The following FAM81A variants were observed in gnomAD, a reference collection of about 807,000 sequenced individuals.
FAM81A encodes protein FAM81A.
Under a neutral mutation model 46.7 loss-of-function variants are expected in FAM81A, and 19 were observed. The ratio of observed to expected loss-of-function variants is 0.41; its 90% CI spans 0.28 to 0.60. FAM81A has a LOEUF of 0.60. FAM81A is among the 20% of genes least tolerant of loss of function. The pLI is 0.34. For missense variants in FAM81A, 377 were observed against 453.5 expected (o/e 0.83, Z 1.53); for synonymous variants, 183 against 152.9 (o/e 1.20, Z -1.45).
At chr15:59,457,937 A>G (rs2081504363) in intron 1 of FAM81A, among the ~76,000 whole-genome samples, 1 of 152,216 alleles carries the variant, frequency 6.6e-6, no homozygotes, top group South Asian at 2.1e-4. Flanking sequence ...GTGGGGACCA[A>G]ATGTTCCTTA....
intron 2 of FAM81A, among the ~76,000 whole-genome samples, chr15:59,430,788 A>C (rs1259244615): frequency 6.6e-6 from 1 of 152,194 alleles, no homozygotes; most frequent in African/African-American, 2.4e-5. Context: ...AGGAAAAGAG[A>C]TGGTTTGAGT....
At chr15:59,487,094 C>T (rs568750542) in intron 3 of FAM81A, among the ~76,000 whole-genome samples, 1 of 150,022 alleles carries the variant, frequency 6.7e-6, no homozygotes, top group South Asian at 2.1e-4. Flanking sequence ...ATAGACAGTA[C>T]AATAAGATAT....
Position 59,401,372 on chromosome 15 carries a change from G to C in FAM81A, c.-160-904G>C, listed in dbSNP as rs967664048. On this transcript the variant is annotated intron_variant, in intron 1 of 4. Coordinates refer to the FAM81A transcript ENST00000558348. ...AGTACCTTTGGTAATAACACCCAAA[G>C]TTGTATACAGTGGGGACGACGGGTT... The C allele has an allele frequency of 2.4e-5, 19 of 788,050 alleles. No individual in the cohort carries two copies. In the African/African-American group the frequency reaches 3.0e-4, roughly 13 times the overall value. The allele number at this position is 788,050 out of a possible 1,614,324, so 48.8% of individuals were successfully genotyped here.
At chr15:59,399,541 G>A (rs571821475) in intron 1 of FAM81A, among the ~76,000 whole-genome samples, 1 of 152,254 alleles carries the variant, frequency 6.6e-6, no homozygotes, top group Admixed American at 6.5e-5. Flanking sequence ...AATAAAATAC[G>A]CTGAAGAACC....
At chr15:59,517,262 G>T (rs1049430460) in intron 8 of FAM81A, among the ~76,000 whole-genome samples, 1 of 152,134 alleles carries the variant, frequency 6.6e-6, no homozygotes, top group African/African-American at 2.4e-5. Context: ...TCAGCAGGGC[G>T]CATTAATTCA....
At chr15:59,464,939 C>A (rs1016768211) in intron 3 of FAM81A, among the ~76,000 whole-genome samples, 3 of 152,110 alleles carry the variant, frequency 2.0e-5, no homozygotes, top group Non-Finnish European at 4.4e-5. Context: ...GTAGTTTTAT[C>A]ATGTTGGGCC....
intron 4 of FAM81A, among the ~76,000 whole-genome samples, chr15:59,496,056 G>C (rs1381276390): frequency 1.3e-5 from 2 of 152,110 alleles, no homozygotes; most frequent in South Asian, 2.1e-4. Context: ...TCAGTTGCTA[G>C]TGTTTGGGGT....
intron 1 of FAM81A, among the ~76,000 whole-genome samples, chr15:59,440,863 T>G (rs1313547003): frequency 6.6e-6 from 1 of 152,120 alleles, no homozygotes; most frequent in African/African-American, 2.4e-5. Flanking sequence ...TTCTTATATT[T>G]CAGTCCTCAA....
Position 59,492,360 on chromosome 15 carries a change from T to A in FAM81A, c.384T>A (p.Gly128=). The A allele has an allele frequency of 6.2e-7, 1 of 1,613,630 alleles. No individual in the cohort carries two copies. Among genetic ancestry groups the A allele is most frequent in the Non-Finnish European group, 8.5e-7 (1 of 1,179,794 alleles). The part of the protein sequence containing the change: ...LKTLEMRQLS[G]LGDLRGRVAR... ...CCCTGGAGATGCGCCAGCTCTCCGGTTTGGGAGATCTTCGAGGAAGAGTGG... is the reference window on the plus strand; with the variant it reads ...CCCTGGAGATGCGCCAGCTCTCCGGATTGGGAGATCTTCGAGGAAGAGTGG... The change falls in exon 4 of 9, where the codon GGT becomes GGA. Residue 128 remains glycine, a synonymous_variant. Transcript: ENST00000288228.
At chr15:59,434,978 G>A (rs1029485475), upstream of FAM81A, among the ~76,000 whole-genome samples, 1 of 152,166 alleles carries the variant, frequency 6.6e-6, no homozygotes. Flanking sequence ...CCAGAGCTCA[G>A]CCGTGGAATA....
intron 8 of FAM81A, 25 bp downstream of exon 8, chr15:59,516,865 C>G (rs752866996): frequency 1.3e-6 from 2 of 1,549,044 alleles, no homozygotes; most frequent in Non-Finnish European, 1.7e-6. Context: ...GAACAGCTCA[C>G]GTGCTTTATT....
intron 3 of FAM81A, among the ~76,000 whole-genome samples, chr15:59,474,310 A>G (rs375041008): frequency 4.6e-5 from 7 of 152,304 alleles, no homozygotes; most frequent in Admixed American, 1.3e-4. Context: ...GGTAATTTAT[A>G]AAGAACAGAA....
chr15:59,402,754 A>C (rs1468969372), intron 2 of FAM81A, among the ~76,000 whole-genome samples: 4 of 151,870 alleles, frequency 2.6e-5, no homozygotes, highest in Admixed American at 6.6e-5. Flanking sequence ...GGGTTTCACC[A>C]TGTTAGCCAG....
chr15:59,456,002 A>G (rs74017798), intron 1 of FAM81A, among the ~76,000 whole-genome samples: 1,956 of 152,334 alleles, frequency 0.013, 33 homozygotes, highest in African/African-American at 0.046. Context: ...GTTTATTAAG[A>G]TTTGAAACAT....
At chr15:59,449,807 A>G (rs1434393060) in intron 1 of FAM81A, among the ~76,000 whole-genome samples, 2 of 150,642 alleles carry the variant, frequency 1.3e-5, no homozygotes, top group African/African-American at 2.4e-5. Context: ...AAAAAAAAAA[A>G]AAAATGACAT....
chr15:59,489,171 A>G (rs1434641710), intron 3 of FAM81A, among the ~76,000 whole-genome samples: 1 of 152,002 alleles, frequency 6.6e-6, no homozygotes, highest in Non-Finnish European at 1.5e-5. Flanking sequence ...AGGCTGAGGC[A>G]GGAGAATGGC....
chr15:59,429,045 T>C (rs2081208260), intron 2 of FAM81A, among the ~76,000 whole-genome samples: 1 of 152,238 alleles, frequency 6.6e-6, no homozygotes, highest in Non-Finnish European at 1.5e-5. Flanking sequence ...GAAAATATTT[T>C]ATTCTGCTCT....
At chr15:59,426,205 TAAAG>T (rs1406433078) in intron 2 of FAM81A, among the ~76,000 whole-genome samples, 3 of 152,152 alleles carry the variant, frequency 2.0e-5, no homozygotes, top group Non-Finnish European at 4.4e-5. Context: ...GTAAGACTCT[TAAAG>T]AAATAACCAG....
chr15:59,471,024 A>T (rs2081681332), intron 3 of FAM81A, among the ~76,000 whole-genome samples: 1 of 152,150 alleles, frequency 6.6e-6, no homozygotes, highest in South Asian at 2.1e-4. Context: ...CATGTTGCCC[A>T]GGTTGGTCTT....
Sources: allele counts gnomAD v4.1 joint callset (sites outside exome capture counted in the v4.1 genomes callset), GRCh38; gene constraint gnomAD v4.1.1; transcripts MANE v1.5; gene names NCBI Gene and HGNC (gene_info 2026-07-23, HGNC 2026-07-21).